ZDHHC14: variants seen among roughly 807,000 people sequenced by gnomAD.
ZDHHC14 encodes zDHHC palmitoyltransferase 14.
Under a neutral mutation model 47.7 loss-of-function variants are expected in ZDHHC14, and 16 were observed. That is an observed-to-expected ratio of 0.34 (90% confidence interval 0.23 to 0.51). The LOEUF is 0.51. Among genes scored for constraint, ZDHHC14 ranks in the 20% least tolerant of loss-of-function variants. The probability of loss-of-function intolerance (pLI) is 0.97; values close to 1 mark genes in which losing one functional copy is unlikely to be tolerated. For synonymous variants in ZDHHC14, 293 were observed against 278.9 expected (o/e 1.05, Z -0.50); for missense variants, 515 against 662.5 (o/e 0.78, Z 2.44).
chr6:157,668,437 A>T (rs1313805804), intron 8 of ZDHHC14, among the ~76,000 whole-genome samples: 1 of 151,418 alleles, frequency 6.6e-6, no homozygotes, highest in Non-Finnish European at 1.5e-5. Flanking sequence ...TAATCCCAGC[A>T]CTTTGGGAGG....
chr6:157,572,240 A>G (rs1037533195), intron 2 of ZDHHC14, among the ~76,000 whole-genome samples: 4 of 152,074 alleles, frequency 2.6e-5, no homozygotes, highest in African/African-American at 4.8e-5. Context: ...ACCACCCACT[A>G]GGTCCCACTT....
intron 1 of ZDHHC14, among the ~76,000 whole-genome samples, chr6:157,411,466 A>C (rs1777868352): frequency 6.6e-6 from 1 of 152,232 alleles, no homozygotes; most frequent in African/African-American, 2.4e-5. Flanking sequence ...AATGCATGCA[A>C]AAACTCTTGC....
Position 157,497,415 on chromosome 6 carries a change from G to A in ZDHHC14, c.246-45170G>A, listed in dbSNP as rs564331931. On this transcript the variant is annotated intron_variant, in intron 1 of 8. Transcript: ENST00000359775. ...TTTTCACTCTTCTGTGAGTATTCCCGAAGGGCCATGATATATACAAAGTGG... is the reference window on the plus strand; with the variant it reads ...TTTTCACTCTTCTGTGAGTATTCCCAAAGGGCCATGATATATACAAAGTGG... Among the ~76,000 whole-genome samples, 13 of 152,262 alleles carry A rather than the reference G, an allele frequency of 8.5e-5. No individual in the cohort carries two copies. In the South Asian group the frequency reaches 1.2e-3, roughly 15 times the overall value.
chr6:157,400,319 G>C (rs764546508), intron 1 of ZDHHC14, among the ~76,000 whole-genome samples: 2 of 152,120 alleles, frequency 1.3e-5, no homozygotes, highest in Non-Finnish European at 2.9e-5. Flanking sequence ...TCCCAGCACT[G>C]TGCTCTGTTC....
At chr6:157,538,524 A>G (rs1387801423) in intron 1 of ZDHHC14, among the ~76,000 whole-genome samples, 1 of 152,198 alleles carries the variant, frequency 6.6e-6, no homozygotes, top group Non-Finnish European at 1.5e-5. Context: ...ATATTTATCA[A>G]ACTTAGTTGC....
chr6:157,528,547 T>C (rs990129116), intron 1 of ZDHHC14, among the ~76,000 whole-genome samples: 3 of 151,928 alleles, frequency 2.0e-5, no homozygotes, highest in East Asian at 3.9e-4. Flanking sequence ...CTGGCTAACA[T>C]GGTGAAACCC....
intron 8 of ZDHHC14, among the ~76,000 whole-genome samples, chr6:157,671,021 C>T (rs370605187): frequency 2.6e-5 from 4 of 152,216 alleles, no homozygotes; most frequent in East Asian, 3.9e-4. Flanking sequence ...CTCAAGGCTG[C>T]GTTGTGCATG....
At chr6:157,546,167 G>C (rs774951864) in intron 2 of ZDHHC14, among the ~76,000 whole-genome samples, 1 of 152,248 alleles carries the variant, frequency 6.6e-6, no homozygotes, top group Non-Finnish European at 1.5e-5. Context: ...GCACCTGCAA[G>C]CTGGGCTCAT....
At chr6:157,408,975 A>G (rs894459689) in intron 1 of ZDHHC14, among the ~76,000 whole-genome samples, 3 of 152,116 alleles carry the variant, frequency 2.0e-5, no homozygotes, top group African/African-American at 2.4e-5. Flanking sequence ...TGGCGATTGC[A>G]TCTGAGTTCC....
At chr6:157,421,980 T>A (rs1355293128) in intron 1 of ZDHHC14, among the ~76,000 whole-genome samples, 1 of 152,212 alleles carries the variant, frequency 6.6e-6, no homozygotes, top group Non-Finnish European at 1.5e-5. Flanking sequence ...GAACTCGTTC[T>A]AGGCTTCAAG....
chr6:157,648,501 T>C (rs1392034507), intron 7 of ZDHHC14, among the ~76,000 whole-genome samples: 2 of 94,956 alleles, frequency 2.1e-5, no homozygotes, highest in Non-Finnish European at 4.1e-5. Context: ...AGTTATTACT[T>C]TGAGTCACCG....
At position 157,475,638 on chromosome 6, in the gene ZDHHC14, G is replaced by A. The variant is rs143374292; in HGVS notation, c.246-66947G>A. 6.0e-3 allele frequency among the ~76,000 whole-genome samples: 920 copies of A among 152,126 alleles called. 11 individuals carry two copies. The highest frequency in any genetic ancestry group is 0.02 in the African/African-American group (849 of 41,530). ...TTTGGTAACTCTTGTGAATGAGATA[G>A]TTTTCTTGATTTATTTTTCAGGTGG... On this transcript the variant is annotated intron_variant, in intron 1 of 8. Transcript: ENST00000359775.
chr6:157,414,821 CTTTTTTTT>C (rs71027333), intron 1 of ZDHHC14, among the ~76,000 whole-genome samples: 1 of 111,992 alleles, frequency 8.9e-6, no homozygotes, highest in Non-Finnish European at 1.7e-5. Flanking sequence ...AGGTTTGCAG[CTTTTTTTT>C]TTTTTTTTTT....
intron 8 of ZDHHC14, among the ~76,000 whole-genome samples, chr6:157,671,440 T>C (rs919437246): frequency 2.0e-5 from 3 of 152,204 alleles, no homozygotes; most frequent in African/African-American, 7.2e-5. Context: ...TCACCTAATA[T>C]CCATGTCTGT....
At chr6:157,396,106 T>A (rs1777516048) in intron 1 of ZDHHC14, among the ~76,000 whole-genome samples, 2 of 152,018 alleles carry the variant, frequency 1.3e-5, no homozygotes, top group Admixed American at 6.5e-5. Context: ...ACAACTCTCA[T>A]AGGGACACCT....
chr6:157,443,861 G>C (rs1157496543), intron 1 of ZDHHC14, among the ~76,000 whole-genome samples: 1 of 152,192 alleles, frequency 6.6e-6, no homozygotes, highest in African/African-American at 2.4e-5. Context: ...GAGTGGAGAT[G>C]TCTGCCTTCT....
chr6:157,677,833 T>TG lies in ZDHHC14; in HGVS notation c.*4713dup, dbSNP rs1778994242. 1 of 145,502 alleles carries TG rather than the reference T, an allele frequency of 6.9e-6. No homozygotes were observed. The highest frequency in any genetic ancestry group is 1.5e-5 in the Non-Finnish European group (1 of 67,058). 9.0% of individuals were successfully genotyped at this position (145,502 alleles called of 1,614,324 possible). On this transcript the variant is annotated 3_prime_UTR_variant, in exon 9 of 9. Coordinates refer to ENST00000359775, the MANE Select transcript of ZDHHC14 (RefSeq NM_024630.3). ...TTTCTGGGTTCTATATGAATAGAGA[T>TG]GGTTTTAGCCTGCAATTAAAAAAAA...
chr6:157,592,398 A>G (rs1330915032), intron 2 of ZDHHC14, among the ~76,000 whole-genome samples: 1 of 152,152 alleles, frequency 6.6e-6, no homozygotes, highest in Non-Finnish European at 1.5e-5. Context: ...TCCCCCTCCC[A>G]TTCTATACTT....
chr6:157,554,241 GA>G (rs1782362674), intron 2 of ZDHHC14, among the ~76,000 whole-genome samples: 1 of 152,194 alleles, frequency 6.6e-6, no homozygotes, highest in Non-Finnish European at 1.5e-5. Context: ...ACATTCAGTA[GA>G]AATTAGCAGA....
Sources: allele counts gnomAD v4.1 joint callset (sites outside exome capture counted in the v4.1 genomes callset), GRCh38; gene constraint gnomAD v4.1.1; transcripts MANE v1.5; gene names NCBI Gene and HGNC (gene_info 2026-07-23, HGNC 2026-07-21).